The following C6orf120 variants were observed in gnomAD, a reference collection of about 807,000 sequenced individuals.
C6orf120 encodes UPF0669 protein C6orf120.
For synonymous variants in C6orf120, 165 were observed against 123.1 expected, an observed-to-expected ratio of 1.34 and a Z score of -2.25; for missense variants, 311 against 264.2, an observed-to-expected ratio of 1.18 and a Z score of -1.23.
chr6:169,702,567 C>T lies in C6orf120; in HGVS notation c.108C>T (p.Pro36=), dbSNP rs1788392909. The change falls in exon 1 of 1, where the codon CCC becomes CCT. Residue 36 remains proline, a synonymous_variant. Transcript: ENST00000332290. ...GCTGCGCGGACGAGGAGGAGGTCCC[C>T]GAGGAGTGGGTGCTCCTGCACGTCG... 4 of 1,612,996 alleles carry T rather than the reference C, an allele frequency of 2.5e-6. No homozygotes were observed. The East Asian group carries it at 8.9e-5, about 36-fold the overall frequency.
At chr6:169,702,377 G>A (rs1331745045) in exon 1 of C6orf120, 4 of 843,212 alleles carry the variant, frequency 4.7e-6, no homozygotes, top group Non-Finnish European at 7.2e-6. Context: ...TGCGGACGGC[G>A]GGGACAGGCT....
chr6:169,705,229 A>G, downstream of C6orf120: 1 of 1,613,552 alleles, frequency 6.2e-7, no homozygotes. Context: ...GGTTGTCCAC[A>G]TATAATGCAT....
At position 169,703,258 on chromosome 6, in the gene C6orf120, CAA is replaced by C. The variant is rs1434810187; in HGVS notation, c.*225_*226del. 6.7e-6 allele frequency: 4 copies of C among 599,292 alleles called. No individual in the cohort carries two copies. The East Asian group carries it at 1.1e-4, about 17-fold the overall frequency. 37.1% of individuals were successfully genotyped at this position (599,292 alleles called of 1,614,324 possible). On this transcript the variant is annotated 3_prime_UTR_variant, in exon 1 of 1. Coordinates refer to ENST00000332290, the Ensembl canonical transcript of C6orf120. ...ATAATTCCTATAAAAGGACTGTGCA[CAA>C]AGTGTTTAGACTCCATTTTCATTAG...
chr6:169,702,178 C>G (rs766305104), upstream of C6orf120: 5 of 654,214 alleles, frequency 7.6e-6, no homozygotes, highest in South Asian at 7.5e-5. Flanking sequence ...TAAAGCGCGG[C>G]CCCCTGCGGG....
At chr6:169,702,300 C>T in exon 1 of C6orf120, 1 of 666,352 alleles carries the variant, frequency 1.5e-6, no homozygotes, top group East Asian at 2.7e-5. Context: ...CTCCCCGGGG[C>T]CTCACGCGGG....
exon 1 of C6orf120, chr6:169,702,220 G>T (rs887591659): frequency 1.5e-6 from 1 of 687,120 alleles, no homozygotes; most frequent in Non-Finnish European, 2.7e-6. Flanking sequence ...TGCCACAGCG[G>T]CCCTGCCCCT....
At chr6:169,705,874 T>A, downstream of C6orf120, 1 of 628,534 alleles carries the variant, frequency 1.6e-6, no homozygotes, top group Non-Finnish European at 2.9e-6. Context: ...GGAGTCTGCC[T>A]ACAATGTAAG....
chr6:169,705,685 TCAGA>T (rs773826145), downstream of C6orf120: 5 of 1,592,534 alleles, frequency 3.1e-6, no homozygotes, highest in East Asian at 6.7e-5. Flanking sequence ...TCCTTACCCT[TCAGA>T]CAAATTCCAC....
At chr6:169,705,555 T>C (rs1788753404), downstream of C6orf120, 3 of 942,318 alleles carry the variant, frequency 3.2e-6, no homozygotes, top group Admixed American at 1.7e-5. Context: ...AACTATAAAT[T>C]CTAGTTTTTG....
At chr6:169,705,553 A>G (rs1321365584), downstream of C6orf120, 2 of 940,030 alleles carry the variant, frequency 2.1e-6, no homozygotes, top group African/African-American at 3.2e-5. Flanking sequence ...GAAACTATAA[A>G]TTCTAGTTTT....
chr6:169,704,261 T>C (rs1788691631), exon 1 of C6orf120: 2 of 544,584 alleles, frequency 3.7e-6, no homozygotes, highest in Non-Finnish European at 6.5e-6. Flanking sequence ...ACTTAATCAA[T>C]GTAATCAATG....
At chr6:169,705,139 G>C, downstream of C6orf120, 2 of 1,603,982 alleles carry the variant, frequency 1.2e-6, no homozygotes, top group South Asian at 2.2e-5. Context: ...TTACCTGATG[G>C]AATAGCACCA....
chr6:169,703,018 C>T (rs1287072292), exon 1 of C6orf120: 2 of 1,556,344 alleles, frequency 1.3e-6, no homozygotes, highest in Admixed American at 1.9e-5. Flanking sequence ...GAAACTGGTA[C>T]TTGAAATTCT....
chr6:169,705,039 C>T, downstream of C6orf120: 1 of 878,306 alleles, frequency 1.1e-6, no homozygotes, highest in Non-Finnish European at 1.7e-6. Flanking sequence ...AGTCCACAAG[C>T]TCTTCATGTC....
At chr6:169,704,384 CA>C in exon 1 of C6orf120, 1 of 344,350 alleles carries the variant, frequency 2.9e-6, no homozygotes, top group Non-Finnish European at 5.4e-6. Flanking sequence ...TATCATACTT[CA>C]AAAGGTCAAA....
chr6:169,702,356 G>C, exon 1 of C6orf120: 1 of 712,816 alleles, frequency 1.4e-6, no homozygotes, highest in Non-Finnish European at 2.3e-6. Context: ...TGGACGCGCC[G>C]TGGACCCGCG....
chr6:169,704,055 G>T lies in C6orf120; in HGVS notation c.*1020G>T. ...TCTGCCCACTTTCCTGGGTGTTGGG[G>T]GGGCCCGCTGACAACAGTCACAAAT... On this transcript the variant is annotated 3_prime_UTR_variant, in exon 1 of 1. Transcript: ENST00000332290. 1 of 1,583,718 alleles carries T rather than the reference G, an allele frequency of 6.3e-7. No individual in the cohort carries two copies. The highest frequency in any genetic ancestry group is 2.3e-5 in the East Asian group (1 of 43,996).
At chr6:169,705,109 G>A (rs369970938), downstream of C6orf120, 25 of 1,559,132 alleles carry the variant, frequency 1.6e-5, no homozygotes, top group African/African-American at 2.7e-4. Context: ...CAAAGATAAT[G>A]TTTGCTCTTT....
exon 1 of C6orf120, chr6:169,702,488 C>T: frequency 6.3e-7 from 1 of 1,578,884 alleles, no homozygotes; most frequent in Non-Finnish European, 8.6e-7. Flanking sequence ...AGGGCCGCGC[C>T]CTGGACGACG....
Sources: allele counts gnomAD v4.1 joint callset, GRCh38; gene constraint gnomAD v4.1.1; transcripts MANE v1.5; gene names NCBI Gene and HGNC (gene_info 2026-07-23, HGNC 2026-07-21).